Variants in CLVS1 observed in about 807,000 individuals in gnomAD.
CLVS1 encodes the protein clavesin-1.
A neutral mutation model predicts 33.1 loss-of-function variants in CLVS1; 10 were observed. The observed-to-expected ratio is 0.30, with a 90% confidence interval of 0.19 to 0.51. The LOEUF (loss-of-function observed/expected upper bound fraction) is 0.51. Ranked by LOEUF, CLVS1 falls within the 20% of genes least tolerant of loss-of-function variation. The probability of loss-of-function intolerance (pLI) is 0.97; values close to 1 mark genes in which losing one functional copy is unlikely to be tolerated. For missense variants in CLVS1, 343 were observed against 433.4 expected (o/e 0.79, Z 1.85); for synonymous variants, 163 against 166.1 (o/e 0.98, Z 0.14).
intron 1 of CLVS1, among the ~76,000 whole-genome samples, chr8:61,070,434 A>G: frequency 6.6e-6 from 1 of 152,208 alleles, no homozygotes; most frequent in African/African-American, 2.4e-5. Flanking sequence ...GGCAACCAGC[A>G]TTTTGATGAC....
intron 2 of CLVS1, among the ~76,000 whole-genome samples, chr8:61,232,209 T>G (rs944195316): frequency 6.6e-6 from 1 of 151,700 alleles, no homozygotes; most frequent in Non-Finnish European, 1.5e-5. Context: ...TAATTTTTTG[T>G]ATACTTTTAG....
intron 5 of CLVS1, among the ~76,000 whole-genome samples, chr8:61,463,237 T>C (rs138912668): frequency 6.6e-6 from 1 of 152,362 alleles, no homozygotes; most frequent in Non-Finnish European, 1.5e-5. Flanking sequence ...TTGCTCTGAA[T>C]TAGGCTTTGG....
intron 3 of CLVS1, among the ~76,000 whole-genome samples, chr8:61,392,987 G>A (rs1019089314): frequency 6.6e-5 from 10 of 151,842 alleles, no homozygotes; most frequent in African/African-American, 1.9e-4. Context: ...GGGTTCAAGC[G>A]ATTCTCCTGC....
At chr8:61,199,594 G>A (rs148480548) in intron 2 of CLVS1, among the ~76,000 whole-genome samples, 133 of 152,258 alleles carry the variant, frequency 8.7e-4, no homozygotes, top group Non-Finnish European at 1.5e-3. Context: ...CCAAAAATCA[G>A]AAAACAATAG....
At chr8:61,297,890 C>T (rs1228136819) in intron 1 of CLVS1, among the ~76,000 whole-genome samples, 1 of 152,142 alleles carries the variant, frequency 6.6e-6, no homozygotes. Context: ...AGCTCACCTA[C>T]AGTAGCTGCT....
intron 2 of CLVS1, among the ~76,000 whole-genome samples, chr8:61,149,427 C>A (rs999529103): frequency 6.6e-6 from 1 of 151,720 alleles, no homozygotes; most frequent in Admixed American, 6.6e-5. Flanking sequence ...TGGTGCATGT[C>A]TGTAATCCCA....
At chr8:61,396,547 T>C (rs560676326) in intron 3 of CLVS1, among the ~76,000 whole-genome samples, 1 of 152,320 alleles carries the variant, frequency 6.6e-6, no homozygotes, top group African/African-American at 2.4e-5. Flanking sequence ...ATAATTCATA[T>C]GCCATGTAAG....
intron 2 of CLVS1, among the ~76,000 whole-genome samples, chr8:61,248,862 C>T (rs2129315662): frequency 6.6e-6 from 1 of 152,096 alleles, no homozygotes; most frequent in South Asian, 2.1e-4. Flanking sequence ...TACATTTATG[C>T]TAATCATACA....
chr8:61,275,336 G>A (rs556965151), intron 2 of CLVS1, among the ~76,000 whole-genome samples: 2 of 152,168 alleles, frequency 1.3e-5, no homozygotes, highest in Non-Finnish European at 2.9e-5. Context: ...CTGTGGCCCA[G>A]TTTTTATCAA....
At chr8:61,486,303 G>A (rs935625092) in intron 5 of CLVS1, among the ~76,000 whole-genome samples, 4 of 152,004 alleles carry the variant, frequency 2.6e-5, no homozygotes, top group South Asian at 2.1e-4. Flanking sequence ...TGTCCAGTAC[G>A]GATTCTATTA....
the CLVS1 span, among the ~76,000 whole-genome samples, chr8:61,012,671 C>T: frequency 6.6e-6 from 1 of 152,196 alleles, no homozygotes; most frequent in Non-Finnish European, 1.5e-5. Context: ...TGTGAGTCCT[C>T]GTCCAGCTTC....
chr8:61,336,909 T>C lies in CLVS1; in HGVS notation c.455+36627T>C, dbSNP rs1811827942. Among the ~76,000 whole-genome samples, 3 of 152,186 alleles carry C rather than the reference T, an allele frequency of 2.0e-5. 1 individual carries two copies. In the South Asian group the frequency reaches 6.2e-4, roughly 32 times the overall value. Reference sequence around the variant, plus strand: ...ACAAACAAAAAAATAAAACCTCTTCTGTATCCAAAACTACAGAGGGAATAG... The same window carrying C: ...ACAAACAAAAAAATAAAACCTCTTCCGTATCCAAAACTACAGAGGGAATAG... On this transcript the variant is annotated intron_variant, in intron 2 of 5. Coordinates refer to ENST00000325897, the MANE Select transcript of CLVS1 (RefSeq NM_173519.3).
intron 3 of CLVS1, among the ~76,000 whole-genome samples, chr8:61,397,457 C>A (rs958358722): frequency 8.6e-5 from 13 of 152,044 alleles, no homozygotes; most frequent in African/African-American, 2.2e-4. Context: ...CAAATATTTT[C>A]TCTCATTCTG....
intron 2 of CLVS1, among the ~76,000 whole-genome samples, chr8:61,134,773 C>T (rs1166825860): frequency 1.3e-5 from 2 of 152,184 alleles, no homozygotes; most frequent in Admixed American, 1.3e-4. Context: ...AGGAAAATCT[C>T]CCCATCTCAG....
chr8:61,334,857 A>G (rs987032587), intron 2 of CLVS1, among the ~76,000 whole-genome samples: 2 of 152,212 alleles, frequency 1.3e-5, no homozygotes, highest in African/African-American at 4.8e-5. Context: ...GGGGAATTGC[A>G]ATAGAGAAAG....
chr8:61,240,894 G>GTTTTTTTTTTTTTTTTTTTTTT (rs549955338), intron 2 of CLVS1, among the ~76,000 whole-genome samples: 16 of 130,602 alleles, frequency 1.2e-4, no homozygotes, highest in African/African-American at 4.8e-4. Context: ...TTTGCTGTAG[G>GTTTTTTTTTTTTTTTTTTTTTT]TTTTTTTTTT....
chr8:61,188,290 T>C (rs1318882024), intron 2 of CLVS1, among the ~76,000 whole-genome samples: 1 of 152,108 alleles, frequency 6.6e-6, no homozygotes, highest in Admixed American at 6.6e-5. Flanking sequence ...TCAGCAGGCA[T>C]GGGGCAGAAG....
the CLVS1 span, among the ~76,000 whole-genome samples, chr8:60,994,378 A>G: frequency 6.6e-6 from 1 of 152,246 alleles, no homozygotes; most frequent in Non-Finnish European, 1.5e-5. Flanking sequence ...GGGACATAAC[A>G]TAACAAAGGG....
intron 3 of CLVS1, among the ~76,000 whole-genome samples, chr8:61,451,700 C>A (rs1417794408): frequency 6.6e-6 from 1 of 151,872 alleles, no homozygotes; most frequent in Non-Finnish European, 1.5e-5. Flanking sequence ...CTGCAGTTGG[C>A]GGATGTGATC....
Sources: gnomAD v4.1 joint callset for allele counts (sites outside exome capture counted in the v4.1 genomes callset) on GRCh38, gnomAD v4.1.1 for gene constraint, MANE v1.5 for transcripts, NCBI Gene and HGNC (gene_info 2026-07-23, HGNC 2026-07-21) for gene names.